Variants in EFL1 observed in about 807,000 individuals in gnomAD.
The protein encoded by EFL1 is elongation factor like GTPase 1.
In EFL1, 76 loss-of-function variants were observed where a neutral mutation model predicts 126.7. That is an observed-to-expected ratio of 0.60 (90% CI 0.50 to 0.73). The LOEUF is 0.73. Ranked by LOEUF, EFL1 falls within the 30% of genes least tolerant of loss-of-function variation. EFL1 has a pLI of 0.00. For synonymous variants in EFL1, 410 were observed against 448.4 expected (o/e 0.91, Z 1.08); for missense variants, 1,128 against 1,343.2 (o/e 0.84, Z 2.50).
At chr15:82,138,510 C>A in intron 19 of EFL1, 148 bp downstream of exon 19, 2 of 696,606 alleles carry the variant, frequency 2.9e-6, no homozygotes, top group African/African-American at 1.8e-5. Context: ...GATGAAAAAG[C>A]CATTTGCTTT....
chr15:82,147,528 GC>G (rs60266994), intron 18 of EFL1, among the ~76,000 whole-genome samples: 50,233 of 150,748 alleles, frequency 0.33, 10,058 homozygotes, highest in East Asian at 0.6. Context: ...TGTAATCCCA[GC>G]TACTTGGGAG....
intron 14 of EFL1, among the ~76,000 whole-genome samples, chr15:82,215,222 A>G (rs1322732588): frequency 6.6e-6 from 1 of 152,076 alleles, no homozygotes; most frequent in Non-Finnish European, 1.5e-5. Flanking sequence ...TCATTTGAAC[A>G]CTCATTATTA....
chr15:82,212,888 T>C (rs2074604636), intron 15 of EFL1, among the ~76,000 whole-genome samples: 1 of 152,212 alleles, frequency 6.6e-6, no homozygotes, highest in Non-Finnish European at 1.5e-5. Flanking sequence ...AATAAAAACA[T>C]TAATCCTGTT....
intron 4 of EFL1, among the ~76,000 whole-genome samples, chr15:82,243,823 G>T (rs1457611071): frequency 6.6e-6 from 1 of 151,960 alleles, no homozygotes; most frequent in Admixed American, 6.5e-5. Context: ...GGCAGGTTCA[G>T]ATCTAGAGAG....
chr15:82,192,611 A>C lies in EFL1; in HGVS notation c.1750+22106T>G, dbSNP rs140661217. Among the ~76,000 whole-genome samples the C allele has an allele frequency of 9.2e-3, 1,399 of 152,268 alleles. 26 individuals are homozygous for C. Among genetic ancestry groups the C allele is most frequent in the African/African-American group, 0.033 (1,354 of 41,542 alleles). ...AACCAAGAGCTTTAATAAACATTAC[A>C]TTATTTGGGTTTCACAACACCATGA... On this transcript the variant is annotated intron_variant, in intron 15 of 19. Transcript: ENST00000268206.
At chr15:82,160,937 G>A (rs2074016944) in intron 16 of EFL1, among the ~76,000 whole-genome samples, 1 of 152,200 alleles carries the variant, frequency 6.6e-6, no homozygotes, top group South Asian at 2.1e-4. Context: ...CCTTAGTACA[G>A]TGTGTGGCAT....
At chr15:82,176,050 A>T (rs2074191730) in intron 15 of EFL1, among the ~76,000 whole-genome samples, 1 of 152,226 alleles carries the variant, frequency 6.6e-6, no homozygotes, top group Non-Finnish European at 1.5e-5. Context: ...TTGAAGATGT[A>T]AACTACACAA....
chr15:82,151,450 C>G lies in EFL1; in HGVS notation c.2989+15G>C, dbSNP rs1187918845. On this transcript the variant is annotated intron_variant, in intron 18 of 19. Transcript: ENST00000268206. ...TTCAGGGCATTTCTCACTATCTTTA[C>G]CTTTTCTTCCTTACCGAGAACATCA... The G allele has an allele frequency of 3.8e-6, 6 of 1,586,880 alleles. No homozygotes were observed. Among genetic ancestry groups the G allele is most frequent in the African/African-American group, 1.4e-5 (1 of 73,438 alleles).
chr15:82,207,307 T>TAAACAC (rs141904056), intron 15 of EFL1, among the ~76,000 whole-genome samples: 2 of 145,418 alleles, frequency 1.4e-5, no homozygotes, highest in Non-Finnish European at 3.0e-5. Context: ...TATATATATA[T>TAAACAC]ACACACACAC....
At chr15:82,199,418 A>G (rs1467204642) in intron 15 of EFL1, among the ~76,000 whole-genome samples, 1 of 152,232 alleles carries the variant, frequency 6.6e-6, no homozygotes, top group African/African-American at 2.4e-5. Flanking sequence ...CCCTCAGGCA[A>G]AAGTAGTTCT....
intron 15 of EFL1, among the ~76,000 whole-genome samples, chr15:82,193,157 A>T (rs1006483888): frequency 6.6e-6 from 1 of 152,242 alleles, no homozygotes; most frequent in African/African-American, 2.4e-5. Context: ...TTTTTTAAAA[A>T]TGAAAGCTAA....
chr15:82,216,634 C>T (rs749484385), intron 14 of EFL1, among the ~76,000 whole-genome samples: 1 of 152,196 alleles, frequency 6.6e-6, no homozygotes, highest in South Asian at 2.1e-4. Context: ...AATGTTGGAA[C>T]AGCTGGACAT....
chr15:82,238,508 G>C lies in EFL1; in HGVS notation c.530C>G (p.Thr177Arg). ...GACTTTAGAAGTAAAAAGAGTCCCT[G>C]TGAGCGCATTAATCTAGGAGAGATG... The part of the protein sequence containing the change: ...KNILEQINAL[T>R]GTLFTSKVLE... Residue 177 changes from threonine to arginine, a missense_variant, in exon 7 of 20, where the codon ACA becomes AGA. Thr to Arg is a moderately conservative substitution (Grantham distance 71). This residue lies in a region of EFL1 where 316 missense variants were observed against 318.5 expected (regional missense o/e 0.99). Coordinates refer to ENST00000268206, the MANE Select transcript of EFL1 (RefSeq NM_024580.6). 1 of 1,611,252 alleles carries C rather than the reference G, an allele frequency of 6.2e-7. No individual in the cohort carries two copies. The highest frequency in any genetic ancestry group is 8.5e-7 in the Non-Finnish European group (1 of 1,178,522).
chr15:82,160,624 T>G (rs2074013457), intron 16 of EFL1, among the ~76,000 whole-genome samples: 1 of 152,174 alleles, frequency 6.6e-6, no homozygotes, highest in South Asian at 2.1e-4. Flanking sequence ...AATTCATATA[T>G]CTATATAAGC....
chr15:82,214,858 G>A lies in EFL1; in HGVS notation c.1612-3C>T. On this transcript the variant is annotated splice_region_variant and splice_polypyrimidine_tract_variant and intron_variant, in intron 14 of 19. Transcript: ENST00000268206. ...GGAGCTGAGAAGCCTAATGGTACCT[G>A]GGCAAAGAAAAATGATGGAAGACAA... 1.9e-6 allele frequency: 3 copies of A among 1,589,012 alleles called. No homozygotes were observed. Among genetic ancestry groups the A allele is most frequent in the Non-Finnish European group, 2.6e-6 (3 of 1,172,178 alleles).
Position 82,241,395 on chromosome 15 carries a change from C to T in EFL1, c.253G>A (p.Glu85Lys), listed in dbSNP as rs2074929888. The T allele has an allele frequency of 6.2e-7, 1 of 1,613,282 alleles. No individual in the cohort carries two copies. Among genetic ancestry groups the T allele is most frequent in the African/African-American group, 1.3e-5 (1 of 74,908 alleles). The change falls in exon 5 of 20, where the codon GAG (glutamate) becomes AAG (lysine). Residue 85 changes from glutamate (E) to lysine (K), a missense_variant. This residue lies in a region of EFL1 where 118 missense variants were observed against 188.1 expected (regional missense o/e 0.63). Coordinates refer to ENST00000268206, the MANE Select transcript of EFL1 (RefSeq NM_024580.6). The stretch of plus-strand genomic sequence containing the variant: ...GAGTCTATCAGATTGATCAGGTACT[C>T]CTCATTACCTAAAATACAATTTGTA... Reference protein sequence around the residue: ...ISLHYATGNEEYLINLIDSPG... With the variant: ...ISLHYATGNEKYLINLIDSPG...
intron 16 of EFL1, among the ~76,000 whole-genome samples, chr15:82,162,479 T>C (rs2074033474): frequency 6.6e-6 from 1 of 152,182 alleles, no homozygotes; most frequent in Non-Finnish European, 1.5e-5. Context: ...TTTCTTAGGA[T>C]TGAACACGGT....
chr15:82,257,098 T>C (rs2075073417), intron 3 of EFL1, among the ~76,000 whole-genome samples: 1 of 152,216 alleles, frequency 6.6e-6, no homozygotes, highest in Non-Finnish European at 1.5e-5. Context: ...TCTGGGTCTT[T>C]ACTTTATGGA....
intron 15 of EFL1, among the ~76,000 whole-genome samples, chr15:82,189,757 G>A (rs998451341): frequency 1.3e-5 from 2 of 151,992 alleles, no homozygotes; most frequent in African/African-American, 4.8e-5. Flanking sequence ...ATATACATTA[G>A]TATATACATT....
Sources: allele counts gnomAD v4.1 joint callset (sites outside exome capture counted in the v4.1 genomes callset), GRCh38; gene constraint gnomAD v4.1.1; regional missense constraint gnomAD v4.1.1; transcripts MANE v1.5; gene names NCBI Gene and HGNC (gene_info 2026-07-23, HGNC 2026-07-21).